PDLIM4: variants seen among roughly 807,000 people sequenced by gnomAD.
The protein encoded by PDLIM4 is PDZ and LIM domain 4, also known as PDZ and LIM domain protein 4.
A neutral mutation model predicts 31.3 loss-of-function variants in PDLIM4; 19 were observed. The observed-to-expected ratio is 0.61, with a 90% confidence interval of 0.42 to 0.89. The LOEUF is 0.89. PDLIM4 is among the 40% of genes least tolerant of loss of function. The pLI is 0.00. For missense variants in PDLIM4, 442 were observed against 461.1 expected, an observed-to-expected ratio of 0.96 and a Z score of 0.38; for synonymous variants, 176 against 190.1, an observed-to-expected ratio of 0.93 and a Z score of 0.61.
intron 3 of PDLIM4, among the ~76,000 whole-genome samples, chr5:132,269,447 CAG>C (rs1756558567): frequency 6.6e-6 from 1 of 150,890 alleles, no homozygotes; most frequent in African/African-American, 2.4e-5. Flanking sequence ...TCACGTTTCT[CAG>C]GGGCTTTTGT....
chr5:132,271,601 T>C (rs1253003008), intron 5 of PDLIM4, 135 bp downstream of exon 5: 2 of 1,066,350 alleles, frequency 1.9e-6, no homozygotes, highest in Admixed American at 1.9e-5. Context: ...ACGCCCTTGC[T>C]ACAACCTTGC....
At position 132,270,940 on chromosome 5, in the gene PDLIM4, G is replaced by A. The variant is rs373366180; in HGVS notation, c.353G>A (p.Arg118Gln). Reference sequence around the variant, plus strand: ...GACGGCAGCCCAACAACCAGCAGGCGGCCCTCAGGCACCGGGACTGGGCCA... The same window carrying A: ...GACGGCAGCCCAACAACCAGCAGGCAGCCCTCAGGCACCGGGACTGGGCCA... Reference protein sequence around the residue: ...IQDGSPTTSRRPSGTGTGPED... With the variant: ...IQDGSPTTSRQPSGTGTGPED... Residue 118 changes from arginine to glutamine, a missense_variant, in exon 4 of 7, where the codon CGG (arginine) becomes CAG (glutamine). Physicochemically the swap from Arg to Gln is conservative, Grantham distance 43. Transcript: ENST00000253754. 1.4e-5 allele frequency: 23 copies of A among 1,613,976 alleles called. No homozygotes were observed. The highest frequency in any genetic ancestry group is 1.6e-4 in the Middle Eastern group (1 of 6,080).
Position 132,266,580 on chromosome 5 carries a change from A to C in PDLIM4, c.327+35A>C, listed in dbSNP as rs193100651. 1.5e-5 allele frequency: 22 copies of C among 1,468,882 alleles called. No individual in the cohort carries two copies. In the African/African-American group the frequency reaches 2.2e-4, roughly 15 times the overall value. 91.0% of individuals were successfully genotyped at this position (1,468,882 alleles called of 1,614,324 possible). ...GACACTGCCTGGCCTGGCCTGGCTC[A>C]GAGTGAGCCCAGGGCAGAGGGGCCA... On this transcript the variant is annotated intron_variant, in intron 3 of 6. Coordinates refer to ENST00000253754, the MANE Select transcript of PDLIM4 (RefSeq NM_003687.4).
chr5:132,271,196 G>A, intron 4 of PDLIM4, 103 bp downstream of exon 4: 1 of 1,488,412 alleles, frequency 6.7e-7, no homozygotes, highest in Middle Eastern at 1.8e-4. Flanking sequence ...TTGATCCTTG[G>A]GTCTTAGCTG....
At chr5:132,271,547 G>A (rs759825332) in intron 5 of PDLIM4, 81 bp downstream of exon 5, 1 of 1,422,696 alleles carries the variant, frequency 7.0e-7, no homozygotes, top group Admixed American at 1.7e-5. Flanking sequence ...CCCACGTCCC[G>A]CCTCGCAGTC....
rs535600654 is a variant in PDLIM4 at position 132,260,615 on chromosome 5, C to A, written c.94-1994C>A. On this transcript the variant is annotated intron_variant, in intron 1 of 6. Transcript: ENST00000253754. ...CCTCAGATACTCTCTTTTCCCTTAC[C>A]CCCTTTGGAAGAAAAATGCAGGTGT... Among the ~76,000 whole-genome samples, 3 of 152,262 alleles carry A rather than the reference C, an allele frequency of 2.0e-5. No individual in the cohort carries two copies. The South Asian group carries it at 6.2e-4, about 32-fold the overall frequency.
In PDLIM4 at chr5:132,273,146, G is replaced by T. The variant is rs1756669606; in HGVS notation, c.*917G>T. On this transcript the variant is annotated 3_prime_UTR_variant, in exon 7 of 7. Coordinates refer to ENST00000253754, the MANE Select transcript of PDLIM4 (RefSeq NM_003687.4). ...TGCCCCGGCTGCACACATCGTCTGT[G>T]AATTGTGGCTGTTCACTCCCGAGGA... 6.6e-6 allele frequency: 1 copy of T among 152,296 alleles called. No homozygotes were observed. Among genetic ancestry groups the T allele is most frequent in the Non-Finnish European group, 1.5e-5 (1 of 68,044 alleles). The allele number at this position is 152,296 out of a possible 1,614,324, so 9.4% of individuals were successfully genotyped here. A position where few individuals can be genotyped will look rare whatever the true frequency, so the allele number is the denominator to read the frequency against.
At chr5:132,259,474 G>A (rs1269113688) in intron 1 of PDLIM4, among the ~76,000 whole-genome samples, 1 of 152,158 alleles carries the variant, frequency 6.6e-6, no homozygotes. Context: ...TTGCCAGGAA[G>A]AGCCTCCTTT....
chr5:132,261,847 G>T (rs1271767533), intron 1 of PDLIM4, among the ~76,000 whole-genome samples: 1 of 152,186 alleles, frequency 6.6e-6, no homozygotes, highest in Non-Finnish European at 1.5e-5. Flanking sequence ...GCTCAGGGAG[G>T]TGATGTTCAG....
At chr5:132,261,039 C>G (rs1756362637) in intron 1 of PDLIM4, among the ~76,000 whole-genome samples, 1 of 152,230 alleles carries the variant, frequency 6.6e-6, no homozygotes, top group South Asian at 2.1e-4. Flanking sequence ...GCTTCTTTCT[C>G]TTCATCTGTA....
Position 132,271,038 on chromosome 5 carries a change from A to C in PDLIM4, c.451A>C (p.Ser151Arg), listed in dbSNP as rs747174319. 6 of 1,614,018 alleles carry C rather than the reference A, an allele frequency of 3.7e-6. No individual in the cohort carries two copies. The African/African-American group carries it at 8.0e-5, about 22-fold the overall frequency. Residue 151 changes from serine to arginine, a missense_variant, in exon 4 of 7, where the codon AGC (serine) becomes CGC (arginine). Ser to Arg is a moderately radical substitution (Grantham distance 110). Coordinates refer to ENST00000253754, the MANE Select transcript of PDLIM4 (RefSeq NM_003687.4). Reference protein sequence around the residue: ...PRFPVPHNGSSEATLPAQMST... With the variant: ...PRFPVPHNGSREATLPAQMST... ...CTTTCCAGTCCCTCACAATGGCAGC[A>C]GCGAGGCCACCCTGCCAGCCCAGAT...
In PDLIM4 at chr5:132,271,108, C is replaced by T; in HGVS notation, c.506+15C>T. On this transcript the variant is annotated intron_variant, in intron 4 of 6. Transcript: ENST00000253754. ...CCACCCCCCAGGTAGCACAGAGATG[C>T]CTTCGGTGCCATGCCCAGAACCCAT... 1 of 1,609,394 alleles carries T rather than the reference C, an allele frequency of 6.2e-7. No homozygotes were observed. Among genetic ancestry groups the T allele is most frequent in the Non-Finnish European group, 8.5e-7 (1 of 1,176,380 alleles).
rs1756275391 is a variant in PDLIM4, at chr5:132,257,753, C to G, written c.19C>G (p.Leu7Val). The change falls in exon 1 of 7, where the codon CTG becomes GTG. Residue 7 changes from leucine to valine, a missense_variant. Transcript: ENST00000253754. The surrounding 1 kb of genome is among the most constrained non-coding windows in gnomAD (Gnocchi z 4.3). MPHSVTLRGPSPWGFRL... is the reference protein window; with the variant it reads MPHSVTVRGPSPWGFRL... ...GCCCGCGATGCCCCATTCCGTGACC[C>G]TGCGCGGGCCTTCGCCCTGGGGCTT... The G allele has an allele frequency of 6.7e-7, 1 of 1,498,226 alleles. No homozygotes were observed. 92.8% of individuals were successfully genotyped at this position (1,498,226 alleles called of 1,614,324 possible).
intron 1 of PDLIM4, among the ~76,000 whole-genome samples, chr5:132,260,873 G>C (rs1052573664): frequency 1.3e-5 from 2 of 152,178 alleles, no homozygotes; most frequent in African/African-American, 4.8e-5. Context: ...AGAGCTGGCA[G>C]CATCCCAGCC....
At chr5:132,259,260 C>T (rs573597416) in intron 1 of PDLIM4, among the ~76,000 whole-genome samples, 2 of 152,050 alleles carry the variant, frequency 1.3e-5, no homozygotes, top group East Asian at 1.9e-4. Context: ...GCACCCTGGG[C>T]GTGAGGCCGC....
At position 132,270,984 on chromosome 5, in the gene PDLIM4, C is replaced by G; in HGVS notation, c.397C>G (p.Leu133Val). 6.2e-7 allele frequency: 1 copy of G among 1,614,124 alleles called. No individual in the cohort carries two copies. The highest frequency in any genetic ancestry group is 8.5e-7 in the Non-Finnish European group (1 of 1,179,968). ...GTGPEDGRPS[L>V]GSPYGQPPRF... ...TGGGCCAGAAGATGGCAGACCAAGCCTGGGATCTCCATATGGACAACCCCC... is the reference window on the plus strand; with the variant it reads ...TGGGCCAGAAGATGGCAGACCAAGCGTGGGATCTCCATATGGACAACCCCC... The change falls in exon 4 of 7, where the codon CTG (leucine) becomes GTG (valine). Residue 133 changes from leucine (L) to valine (V), a missense_variant. Leu to Val is a conservative substitution (Grantham distance 32). Coordinates refer to ENST00000253754, the MANE Select transcript of PDLIM4 (RefSeq NM_003687.4).
chr5:132,262,817 C>T, intron 2 of PDLIM4, 57 bp downstream of exon 2: 1 of 1,533,340 alleles, frequency 6.5e-7, no homozygotes, highest in South Asian at 1.2e-5. Flanking sequence ...CAGTTATGGG[C>T]AGCTGGCATT....
intron 5 of PDLIM4, 52 bp from the exon 6 acceptor site, chr5:132,271,739 T>C (rs1336489604): frequency 7.9e-7 from 1 of 1,264,556 alleles, no homozygotes; most frequent in South Asian, 1.2e-5. Context: ...CCCGCAGAAA[T>C]GGAGTTCTGA....
chr5:132,270,638 A>C (rs926845585), intron 3 of PDLIM4: 22 of 531,714 alleles, frequency 4.1e-5, no homozygotes, highest in Non-Finnish European at 7.4e-5. Flanking sequence ...GAACCACTGC[A>C]GGGCTCACAA....
Sources: allele counts gnomAD v4.1 joint callset (sites outside exome capture counted in the v4.1 genomes callset), GRCh38; gene constraint gnomAD v4.1.1; non-coding constraint Gnocchi (gnomAD v3.1); transcripts MANE v1.5; gene names NCBI Gene and HGNC (gene_info 2026-07-23, HGNC 2026-07-21).